PARP8: variants seen among roughly 807,000 people sequenced by gnomAD.
PARP8 encodes protein mono-ADP-ribosyltransferase PARP8.
In PARP8, 51 loss-of-function variants were observed where a neutral mutation model predicts 124.1. The observed-to-expected ratio is 0.41, with a 90% confidence interval of 0.33 to 0.52. The LOEUF (loss-of-function observed/expected upper bound fraction) is 0.52. Among genes scored for constraint, PARP8 ranks in the 20% least tolerant of loss-of-function variants. PARP8 has a pLI of 0.21. For synonymous variants in PARP8, 391 were observed against 361.5 expected (o/e 1.08, Z -0.93); for missense variants, 860 against 1,018.9 (o/e 0.84, Z 2.12).
At chr5:50,739,145 T>C in intron 2 of PARP8, 1 of 696,368 alleles carries the variant, frequency 1.4e-6, no homozygotes, top group Non-Finnish European at 2.6e-6. Flanking sequence ...CAACAACCAT[T>C]GAGGCCAAAG....
At chr5:50,765,681 C>T (rs1025595108) in intron 7 of PARP8, among the ~76,000 whole-genome samples, 1 of 152,116 alleles carries the variant, frequency 6.6e-6, no homozygotes, top group Non-Finnish European at 1.5e-5. Flanking sequence ...GAGGATATTT[C>T]CAAAATAAAT....
intron 18 of PARP8, among the ~76,000 whole-genome samples, chr5:50,825,679 T>C (rs1304836306): frequency 6.6e-6 from 1 of 151,892 alleles, no homozygotes; most frequent in Non-Finnish European, 1.5e-5. Context: ...TTTATACACA[T>C]GTCTCTTTGA....
At position 50,738,715 on chromosome 5, in the gene PARP8, TAA is replaced by T. The variant is rs71612375; in HGVS notation, c.147-11420_147-11419del. Among the ~76,000 whole-genome samples the T allele has an allele frequency of 4.3e-3, 581 of 135,490 alleles. 1 individual carries two copies. The highest frequency in any genetic ancestry group is 8.8e-3 in the Admixed American group (120 of 13,676). The allele number at this position is 135,490 out of a possible 152,430, so 88.9% of individuals were successfully genotyped here. A position where few individuals can be genotyped will look rare whatever the true frequency, so the allele number is the denominator to read the frequency against. On this transcript the variant is annotated intron_variant, in intron 2 of 25. Coordinates refer to ENST00000281631, the MANE Select transcript of PARP8 (RefSeq NM_024615.4). ...CTAATGCTAAAGAAAGCTGATAAGT[TAA>T]AAAAAAAAAAAAAAAGAAAATAGCA...
chr5:50,780,811 C>T (rs574627592), intron 9 of PARP8, among the ~76,000 whole-genome samples: 5 of 152,264 alleles, frequency 3.3e-5, no homozygotes, highest in African/African-American at 1.2e-4. Context: ...TAGTTTTCCT[C>T]CTACGAAAAG....
intron 22 of PARP8, among the ~76,000 whole-genome samples, chr5:50,832,525 A>G (rs1747095912): frequency 6.6e-6 from 1 of 151,922 alleles, no homozygotes; most frequent in Non-Finnish European, 1.5e-5. Flanking sequence ...AAGTTTTAAG[A>G]ATTTTTAAAT....
intron 2 of PARP8, among the ~76,000 whole-genome samples, chr5:50,741,638 C>A (rs370643375): frequency 2.6e-5 from 4 of 152,104 alleles, no homozygotes; most frequent in African/African-American, 9.7e-5. Flanking sequence ...TGTTACTTCA[C>A]GTGCTGAAAG....
Position 50,795,359 on chromosome 5 carries a change from T to C in PARP8, c.1370T>C (p.Leu457Pro). 6.2e-7 allele frequency: 1 copy of C among 1,614,018 alleles called. No homozygotes were observed. The highest frequency in any genetic ancestry group is 8.5e-7 in the Non-Finnish European group (1 of 1,179,950). The change falls in exon 12 of 26, where the codon CTT becomes CCT. Residue 457 changes from leucine to proline, a missense_variant. By Grantham distance (98) the Leu-to-Pro change is moderately conservative. Coordinates refer to ENST00000281631, the MANE Select transcript of PARP8 (RefSeq NM_024615.4). ...AACGCAGAGGGCAGGAGGCTCTCTCTTACCTCAGGGCTTATTGGTATCCTA... is the reference window on the plus strand; with the variant it reads ...AACGCAGAGGGCAGGAGGCTCTCTCCTACCTCAGGGCTTATTGGTATCCTA... ...EPNAEGRRLS[L>P]TSGLIGILTP...
intron 2 of PARP8, among the ~76,000 whole-genome samples, chr5:50,680,784 C>T (rs1004481398): frequency 1.3e-5 from 2 of 152,138 alleles, no homozygotes; most frequent in Non-Finnish European, 2.9e-5. Context: ...AGTATAAAAT[C>T]AGACTCAAGT....
At chr5:50,669,479 A>G (rs1308245642) in intron 2 of PARP8, 1 of 152,250 alleles carries the variant, frequency 6.6e-6, no homozygotes, top group African/African-American at 2.4e-5. Flanking sequence ...ACATGTGGAC[A>G]GGAAGGACAG....
At chr5:50,686,341 G>C (rs1751855367) in intron 2 of PARP8, among the ~76,000 whole-genome samples, 1 of 152,196 alleles carries the variant, frequency 6.6e-6, no homozygotes, top group South Asian at 2.1e-4. Context: ...GTTACACTAA[G>C]GCAAGAAGTG....
intron 2 of PARP8, among the ~76,000 whole-genome samples, chr5:50,691,127 C>CACTT (rs1398909372): frequency 2.0e-5 from 3 of 152,198 alleles, no homozygotes; most frequent in Non-Finnish European, 2.9e-5. Context: ...ACTTACCTTT[C>CACTT]ACTTACCTTT....
chr5:50,710,263 G>A (rs1754639421), intron 2 of PARP8, among the ~76,000 whole-genome samples: 1 of 151,758 alleles, frequency 6.6e-6, no homozygotes, highest in Non-Finnish European at 1.5e-5. Context: ...GTTATCATAG[G>A]GAGATCCAGT....
At chr5:50,795,772 T>C (rs942305411) in intron 12 of PARP8, among the ~76,000 whole-genome samples, 1 of 152,256 alleles carries the variant, frequency 6.6e-6, no homozygotes, top group African/African-American at 2.4e-5. Context: ...ATCTAATCTC[T>C]GGTCTTCTCA....
chr5:50,795,351 G>A lies in PARP8; in HGVS notation c.1362G>A (p.Arg454=). 1 of 1,614,026 alleles carries A rather than the reference G, an allele frequency of 6.2e-7. No homozygotes were observed. Among genetic ancestry groups the A allele is most frequent in the Non-Finnish European group, 8.5e-7 (1 of 1,179,972 alleles). The change falls in exon 12 of 26, where the codon AGG becomes AGA. Residue 454 remains arginine, a synonymous_variant. Coordinates refer to ENST00000281631, the MANE Select transcript of PARP8 (RefSeq NM_024615.4). ...AGGAACCTAACGCAGAGGGCAGGAGGCTCTCTCTTACCTCAGGGCTTATTG... is the reference window on the plus strand; with the variant it reads ...AGGAACCTAACGCAGAGGGCAGGAGACTCTCTCTTACCTCAGGGCTTATTG... ...LFKEPNAEGR[R]LSLTSGLIGI...
At chr5:50,836,447 A>G (rs1747592079) in intron 25 of PARP8, among the ~76,000 whole-genome samples, 1 of 152,212 alleles carries the variant, frequency 6.6e-6, no homozygotes, top group African/African-American at 2.4e-5. Flanking sequence ...CCGCAAGTCC[A>G]GTGTAGTAAC....
intron 2 of PARP8, among the ~76,000 whole-genome samples, chr5:50,670,589 G>C (rs1749897262): frequency 6.6e-6 from 1 of 152,216 alleles, no homozygotes; most frequent in Non-Finnish European, 1.5e-5. Flanking sequence ...TTTATTTGGT[G>C]GTCCTCAGAG....
At chr5:50,794,104 G>T in intron 10 of PARP8, 103 bp from the exon 11 acceptor site, 3 of 1,267,414 alleles carry the variant, frequency 2.4e-6, no homozygotes, top group Non-Finnish European at 3.2e-6. Flanking sequence ...ATTTCTATGT[G>T]TTTGCATTTA....
At chr5:50,767,424 G>T (rs1445100062) in intron 7 of PARP8, among the ~76,000 whole-genome samples, 1 of 152,122 alleles carries the variant, frequency 6.6e-6, no homozygotes, top group Non-Finnish European at 1.5e-5. Flanking sequence ...GGCACAGAGG[G>T]GAAAGAAAGG....
At chr5:50,684,548 A>T (rs190636424) in intron 2 of PARP8, among the ~76,000 whole-genome samples, 1 of 152,184 alleles carries the variant, frequency 6.6e-6, no homozygotes, top group Non-Finnish European at 1.5e-5. Flanking sequence ...TTCAACATAC[A>T]TAATGTCATA....
Sources: gnomAD v4.1 joint callset for allele counts (sites outside exome capture counted in the v4.1 genomes callset) on GRCh38, gnomAD v4.1.1 for gene constraint, MANE v1.5 for transcripts, NCBI Gene and HGNC (gene_info 2026-07-23, HGNC 2026-07-21) for gene names.